Variants in PPFIA2 observed in about 807,000 individuals in gnomAD.
The protein encoded by PPFIA2 is liprin-alpha-2.
A neutral mutation model predicts 175.5 loss-of-function variants in PPFIA2; 46 were observed. The observed-to-expected ratio is 0.26, with a 90% CI of 0.21 to 0.34. The LOEUF (loss-of-function observed/expected upper bound fraction) is 0.34. PPFIA2 is among the 10% of genes least tolerant of loss of function. The probability of loss-of-function intolerance (pLI) is 1.00; values close to 1 mark genes in which losing one functional copy is unlikely to be tolerated. For missense variants in PPFIA2, 1,179 were observed against 1,506.1 expected, an observed-to-expected ratio of 0.78 and a Z score of 3.60; for synonymous variants, 568 against 511.4, an observed-to-expected ratio of 1.11 and a Z score of -1.49.
At chr12:81,542,741 C>T (rs2153346886) in intron 4 of PPFIA2, among the ~76,000 whole-genome samples, 1 of 152,158 alleles carries the variant, frequency 6.6e-6, no homozygotes, top group Admixed American at 6.6e-5. Context: ...TTTAAACAGC[C>T]TCTAGCCAGC....
chr12:81,625,992 C>T (rs1595749126), intron 4 of PPFIA2, among the ~76,000 whole-genome samples: 1 of 151,130 alleles, frequency 6.6e-6, no homozygotes, highest in Non-Finnish European at 1.5e-5. Flanking sequence ...TGTCACATTT[C>T]CTTAAAAAAC....
chr12:81,613,543 G>A (rs942561891), intron 4 of PPFIA2, among the ~76,000 whole-genome samples: 5 of 152,012 alleles, frequency 3.3e-5, no homozygotes, highest in South Asian at 2.1e-4. Flanking sequence ...ACTGTTCAGC[G>A]TCCATGTAGG....
intron 4 of PPFIA2, among the ~76,000 whole-genome samples, chr12:81,593,063 T>A (rs912392085): frequency 3.3e-5 from 5 of 152,140 alleles, no homozygotes; most frequent in African/African-American, 9.7e-5. Context: ...CAGCTAAGTA[T>A]CTTTTTGAAT....
chr12:81,645,936 C>G (rs1173516307), intron 4 of PPFIA2, among the ~76,000 whole-genome samples: 1 of 152,164 alleles, frequency 6.6e-6, no homozygotes, highest in Non-Finnish European at 1.5e-5. Context: ...AGAGGAAGGG[C>G]AAGATCCTGT....
intron 4 of PPFIA2, among the ~76,000 whole-genome samples, chr12:81,609,062 T>C (rs1423818942): frequency 6.6e-6 from 1 of 151,290 alleles, no homozygotes; most frequent in Non-Finnish European, 1.5e-5. Flanking sequence ...AGGAGTAAAT[T>C]GTTTAATTTT....
chr12:81,317,848 G>A (rs2139444576), intron 22 of PPFIA2, among the ~76,000 whole-genome samples: 1 of 151,686 alleles, frequency 6.6e-6, no homozygotes, highest in Middle Eastern at 3.4e-3. Context: ...GAATCTCAGG[G>A]CAGGGACAAT....
chr12:81,501,118 T>C (rs1435977207), intron 4 of PPFIA2, among the ~76,000 whole-genome samples: 1 of 152,204 alleles, frequency 6.6e-6, no homozygotes, highest in Non-Finnish European at 1.5e-5. Context: ...TCCTTTAGCC[T>C]ATGATGTCCT....
intron 4 of PPFIA2, chr12:81,471,346 TA>T (rs1483850742): frequency 1.3e-5 from 2 of 151,520 alleles, no homozygotes; most frequent in East Asian, 1.9e-4. Flanking sequence ...TTTATTTTGG[TA>T]AAAAAGAGAT....
intron 4 of PPFIA2, among the ~76,000 whole-genome samples, chr12:81,482,510 G>A (rs183359923): frequency 2.8e-4 from 43 of 152,208 alleles, no homozygotes; most frequent in African/African-American, 7.2e-4. Context: ...AGTGATAGAC[G>A]GATAAAGAAA....
chr12:81,453,630 A>C (rs1433206847), intron 5 of PPFIA2, among the ~76,000 whole-genome samples: 3 of 152,108 alleles, frequency 2.0e-5, no homozygotes, highest in Non-Finnish European at 2.9e-5. Flanking sequence ...GTTTCTATAA[A>C]TATCCACTAT....
At chr12:81,367,080 G>A (rs1307191790) in intron 14 of PPFIA2, 28 bp downstream of exon 14, 3 of 1,450,094 alleles carry the variant, frequency 2.1e-6, no homozygotes, top group Non-Finnish European at 2.7e-6. Flanking sequence ...AATAGAAAAT[G>A]GGCCCAAAAC....
intron 6 of PPFIA2, among the ~76,000 whole-genome samples, chr12:81,442,324 C>T (rs1281647020): frequency 1.3e-5 from 2 of 151,880 alleles, no homozygotes; most frequent in African/African-American, 4.8e-5. Context: ...ATAATGCAAA[C>T]TGAAATTAAT....
In PPFIA2 at chr12:81,405,813, C is replaced by G. The variant is rs1037837231; in HGVS notation, c.736G>C (p.Glu246Gln). 6.3e-7 allele frequency: 1 copy of G among 1,575,962 alleles called. No individual in the cohort carries two copies. The highest frequency in any genetic ancestry group is 8.6e-7 in the Non-Finnish European group (1 of 1,158,582). The change falls in exon 8 of 33, where the codon GAA becomes CAA. Residue 246 changes from glutamate (E) to glutamine (Q), a missense_variant. Around this residue, in one of 10 missense-constraint regions of PPFIA2, gnomAD observed 226 missense variants for 216.6 expected, o/e 1.04. Transcript: ENST00000549396. ...TTCTCATGGACTTTCTGTCCAGGTT[C>G]CATCCCTTCAAGATGTTCTGACTCT... ...STESEHLEGM[E>Q]PGQKVHEKRL...
At chr12:81,724,263 T>C (rs1178770458) in intron 3 of PPFIA2, among the ~76,000 whole-genome samples, 5 of 151,082 alleles carry the variant, frequency 3.3e-5, no homozygotes, top group East Asian at 1.9e-4. Context: ...AAAAGCTCTA[T>C]AATTATAAGC....
Position 81,739,702 on chromosome 12 carries a change from A to G in PPFIA2, c.249+14271T>C, listed in dbSNP as rs1020654116. On this transcript the variant is annotated intron_variant, in intron 3 of 32. Transcript: ENST00000549396. ...ACATATCTTAATTGAAGCAGATTAC[A>G]CTAAAAGTGGACATAAAAAGAGAAA... is the stretch of plus-strand genomic sequence containing the variant. Among the ~76,000 whole-genome samples the G allele has an allele frequency of 3.9e-5, 6 of 152,214 alleles. No individual in the cohort carries two copies. In the South Asian group the frequency reaches 8.3e-4, roughly 21 times the overall value.
chr12:81,627,127 G>C (rs1376008665), intron 4 of PPFIA2, among the ~76,000 whole-genome samples: 1 of 151,980 alleles, frequency 6.6e-6, no homozygotes. Flanking sequence ...AGGGTAATGG[G>C]ATGGGGAGGG....
At chr12:81,691,406 G>A (rs915537973) in intron 3 of PPFIA2, among the ~76,000 whole-genome samples, 1 of 152,118 alleles carries the variant, frequency 6.6e-6, no homozygotes, top group Non-Finnish European at 1.5e-5. Context: ...TAAATGGAAA[G>A]ACAGTTTCAG....
chr12:81,414,185 T>C (rs1258899824), intron 7 of PPFIA2, among the ~76,000 whole-genome samples: 1 of 151,754 alleles, frequency 6.6e-6, no homozygotes, highest in African/African-American at 2.4e-5. Flanking sequence ...TTAAAAATAT[T>C]ATGCTGTAAT....
chr12:81,305,880 CAA>C (rs2049015623), intron 22 of PPFIA2, among the ~76,000 whole-genome samples: 1 of 152,130 alleles, frequency 6.6e-6, no homozygotes. Context: ...ATTAGTTACT[CAA>C]AAAAGTCACA....
Sources: gnomAD v4.1 joint callset for allele counts (sites outside exome capture counted in the v4.1 genomes callset) on GRCh38, gnomAD v4.1.1 for gene constraint, gnomAD v4.1.1 regional missense constraint, MANE v1.5 for transcripts, NCBI Gene and HGNC (gene_info 2026-07-23, HGNC 2026-07-21) for gene names.